Variants in DCAF13 observed in about 807,000 individuals in gnomAD.
The protein encoded by DCAF13 is DDB1- and CUL4-associated factor 13.
A neutral mutation model predicts 59.0 loss-of-function variants in DCAF13; 38 were observed. The ratio of observed to expected loss-of-function variants is 0.64; its 90% confidence interval spans 0.50 to 0.84. DCAF13 has a LOEUF of 0.84. Among genes scored for constraint, DCAF13 ranks in the 40% least tolerant of loss-of-function variants. The pLI is 0.00. For missense variants in DCAF13, 469 were observed against 558.4 expected, an observed-to-expected ratio of 0.84 and a Z score of 1.61; for synonymous variants, 173 against 175.0, an observed-to-expected ratio of 0.99 and a Z score of 0.09.
At chr8:103,421,852 T>C (rs1422625627) in intron 3 of DCAF13, among the ~76,000 whole-genome samples, 1 of 152,262 alleles carries the variant, frequency 6.6e-6, no homozygotes, top group Non-Finnish European at 1.5e-5. Flanking sequence ...ACATTTTGTT[T>C]ATCCGTTCAT....
intron 1 of DCAF13, among the ~76,000 whole-genome samples, chr8:103,418,825 TATATATA>T (rs1816665240): frequency 1.5e-4 from 1 of 6,464 alleles, no homozygotes; most frequent in African/African-American, 7.0e-4. Context: ...TAAGCATAAT[TATATATA>T]TATATATATA....
chr8:103,440,245 G>T lies in DCAF13; in HGVS notation c.1060G>T (p.Ala354Ser). 6.3e-7 allele frequency: 1 copy of T among 1,591,366 alleles called. No individual in the cohort carries two copies. Among genetic ancestry groups the T allele is most frequent in the Non-Finnish European group, 8.5e-7 (1 of 1,171,418 alleles). Reference sequence around the variant, plus strand: ...TGAAATGAACATTCGCCTGTGGAAAGCTAATGCTTCTGAAAAATTGGGTGT... The same window carrying T: ...TGAAATGAACATTCGCCTGTGGAAATCTAATGCTTCTGAAAAATTGGGTGT... ...SDEMNIRLWK[A>S]NASEKLGVLT... Residue 354 changes from alanine to serine, a missense_variant, in exon 9 of 11, where the codon GCT (alanine) becomes TCT (serine). By Grantham distance (99) the Ala-to-Ser change is moderately conservative. This residue lies in a region of DCAF13 where 30 missense variants were observed against 67.1 expected (regional missense o/e 0.45). Coordinates refer to ENST00000612750, the MANE Select transcript of DCAF13 (RefSeq NM_015420.7).
At chr8:103,424,644 C>G (rs1373339064) in intron 3 of DCAF13, among the ~76,000 whole-genome samples, 1 of 152,194 alleles carries the variant, frequency 6.6e-6, no homozygotes, top group Non-Finnish European at 1.5e-5. Flanking sequence ...GGCAGAACAG[C>G]TTGGTCATTT....
rs368195456 is a variant in DCAF13 at position 103,427,258 on chromosome 8, G to A, written c.624+6G>A. ...TTAAATTTAACCCAATTGAGGTAATGTTTTTTTTTAAGTATGTTTTACTTA... is the reference window on the plus strand; with the variant it reads ...TTAAATTTAACCCAATTGAGGTAATATTTTTTTTTAAGTATGTTTTACTTA... On this transcript the variant is annotated splice_donor_region_variant and intron_variant, in intron 5 of 10. Transcript: ENST00000612750. The A allele has an allele frequency of 2.4e-5, 38 of 1,586,922 alleles. No individual in the cohort carries two copies. Among genetic ancestry groups the A allele is most frequent in the Non-Finnish European group, 3.3e-5 (38 of 1,162,326 alleles).
At position 103,430,639 on chromosome 8, in the gene DCAF13, G is replaced by C. The variant is rs1816850870; in HGVS notation, c.652G>C (p.Asp218His). The C allele has an allele frequency of 6.2e-7, 1 of 1,610,912 alleles. No individual in the cohort carries two copies. Among genetic ancestry groups the C allele is most frequent in the Non-Finnish European group, 8.5e-7 (1 of 1,178,540 alleles). Reference sequence around the variant, plus strand: ...ATTTCTCTTGGGAAGTTGTGCATCTGACAGGAATATAGTACTGTACGATAT... The same window carrying C: ...ATTTCTCTTGGGAAGTTGTGCATCTCACAGGAATATAGTACTGTACGATAT... Reference protein sequence around the residue: ...ETFLLGSCASDRNIVLYDMRQ... With the variant: ...ETFLLGSCASHRNIVLYDMRQ... The change falls in exon 6 of 11, where the codon GAC becomes CAC. Residue 218 changes from aspartate (D) to histidine (H), a missense_variant. Physicochemically the swap from Asp to His is moderately conservative, Grantham distance 81. Coordinates refer to ENST00000612750, the MANE Select transcript of DCAF13 (RefSeq NM_015420.7).
chr8:103,422,030 G>C (rs1816728800), intron 3 of DCAF13, among the ~76,000 whole-genome samples: 1 of 152,202 alleles, frequency 6.6e-6, no homozygotes, highest in South Asian at 2.1e-4. Context: ...AGCAGTTAGT[G>C]ATCAGTTTGA....
chr8:103,441,361 G>A (rs1817008007), intron 9 of DCAF13, 94 bp from the exon 10 acceptor site: 1 of 1,229,942 alleles, frequency 8.1e-7, no homozygotes, highest in Non-Finnish European at 1.1e-6. Context: ...TATCATAAAA[G>A]ATTAGGTTAG....
intron 8 of DCAF13, among the ~76,000 whole-genome samples, chr8:103,437,985 G>C (rs973924063): frequency 6.6e-6 from 1 of 152,064 alleles, no homozygotes; most frequent in Admixed American, 6.6e-5. Flanking sequence ...AGAACTTTTG[G>C]TGAGCTTAAT....
intron 1 of DCAF13, among the ~76,000 whole-genome samples, chr8:103,419,610 A>G (rs953002018): frequency 6.6e-6 from 1 of 152,222 alleles, no homozygotes; most frequent in Non-Finnish European, 1.5e-5. Context: ...CATCTTGCAC[A>G]TATTTTGTCC....
At chr8:103,424,150 C>T (rs1439093699) in intron 3 of DCAF13, among the ~76,000 whole-genome samples, 3 of 152,094 alleles carry the variant, frequency 2.0e-5, no homozygotes, top group African/African-American at 7.2e-5. Context: ...TCCCCAGTAG[C>T]TGGGACTACA....
intron 1 of DCAF13, among the ~76,000 whole-genome samples, chr8:103,415,839 T>C (rs1372590107): frequency 6.6e-6 from 1 of 152,206 alleles, no homozygotes; most frequent in East Asian, 1.9e-4. Flanking sequence ...TGAGCCAAAC[T>C]CGTGGGTTGA....
chr8:103,442,047 A>C (rs561574559), intron 10 of DCAF13: 1 of 155,854 alleles, frequency 6.4e-6, no homozygotes, highest in East Asian at 1.9e-4. Context: ...TACAGGTGTG[A>C]GCCACCATGC....
intron 1 of DCAF13, among the ~76,000 whole-genome samples, chr8:103,417,737 T>C (rs1296427767): frequency 6.6e-6 from 1 of 151,946 alleles, no homozygotes; most frequent in Non-Finnish European, 1.5e-5. Flanking sequence ...CTGTTATTAA[T>C]GGGGCACACA....
In DCAF13 at chr8:103,426,104, T is replaced by TTCC. The variant is rs1816789415; in HGVS notation, c.427_428insTCC (p.Tyr143delinsPheHis). The TTCC allele has an allele frequency of 6.2e-7, 1 of 1,612,610 alleles. No individual in the cohort carries two copies. Among genetic ancestry groups the TTCC allele is most frequent in the African/African-American group, 1.3e-5 (1 of 74,874 alleles). ...GCAGTGGAAAATGGATGGGCCAGGCTATGGAGACGAGGAAGAGCCATTACA... is the reference window on the plus strand; with the variant it reads ...GCAGTGGAAAATGGATGGGCCAGGCTTCCATGGAGACGAGGAAGAGCCATTACA... On this transcript the variant is annotated protein_altering_variant, in exon 4 of 11. Transcript: ENST00000612750.
chr8:103,424,573 C>G (rs1469028656), intron 3 of DCAF13, among the ~76,000 whole-genome samples: 2 of 152,204 alleles, frequency 1.3e-5, no homozygotes, highest in Non-Finnish European at 1.5e-5. Flanking sequence ...CTACTCATTT[C>G]TATAAAATGA....
intron 1 of DCAF13, among the ~76,000 whole-genome samples, chr8:103,416,973 CTT>C (rs1224901458): frequency 6.6e-6 from 1 of 152,172 alleles, no homozygotes; most frequent in Non-Finnish European, 1.5e-5. Context: ...CAAAAATAAT[CTT>C]TGCAAAACTG....
In DCAF13 at chr8:103,427,045, C is replaced by A. The variant is rs969352153; in HGVS notation, c.469-52C>A. 1.1e-5 allele frequency: 15 copies of A among 1,342,918 alleles called. No individual in the cohort carries two copies. In the African/African-American group the frequency reaches 2.1e-4, roughly 19 times the overall value. The allele number at this position is 1,342,918 out of a possible 1,614,324, so 83.2% of individuals were successfully genotyped here. A position where few individuals can be genotyped will look rare whatever the true frequency, so the allele number is the denominator to read the frequency against. On this transcript the variant is annotated intron_variant, in intron 4 of 10. Coordinates refer to ENST00000612750, the MANE Select transcript of DCAF13 (RefSeq NM_015420.7). The stretch of plus-strand genomic sequence containing the variant: ...TAAATATATTTAAAATATTATTCTG[C>A]AGATTTGAATTAGTAATGAAAAAAA...
intron 3 of DCAF13, among the ~76,000 whole-genome samples, chr8:103,424,313 C>T (rs1399199825): frequency 6.6e-6 from 1 of 152,232 alleles, no homozygotes; most frequent in Non-Finnish European, 1.5e-5. Flanking sequence ...AGGCGCGAGC[C>T]GCCATGCCCA....
At chr8:103,422,820 G>C (rs1190178102) in intron 3 of DCAF13, among the ~76,000 whole-genome samples, 1 of 152,176 alleles carries the variant, frequency 6.6e-6, no homozygotes, top group African/African-American at 2.4e-5. Flanking sequence ...TTGCAATCCA[G>C]GTTGGCTGGG....
Sources: allele counts gnomAD v4.1 joint callset (sites outside exome capture counted in the v4.1 genomes callset), GRCh38; gene constraint gnomAD v4.1.1; regional missense constraint gnomAD v4.1.1; transcripts MANE v1.5; gene names NCBI Gene and HGNC (gene_info 2026-07-23, HGNC 2026-07-21).